KAZN: variants seen among roughly 807,000 people sequenced by gnomAD.
The protein encoded by KAZN is kazrin, periplakin interacting protein.
KAZN carries 40 observed loss-of-function variants against 87.4 expected under a neutral mutation model. The observed-to-expected ratio is 0.46, with a 90% CI of 0.36 to 0.60. The LOEUF (loss-of-function observed/expected upper bound fraction) is 0.60. Ranked by LOEUF, KAZN falls within the 20% of genes least tolerant of loss-of-function variation. The probability of loss-of-function intolerance (pLI) is 0.00; values close to 1 mark genes in which losing one functional copy is unlikely to be tolerated. For synonymous variants in KAZN, 466 were observed against 458.3 expected (o/e 1.02, Z -0.22); for missense variants, 898 against 1,073.9 (o/e 0.84, Z 2.29).
chr1:14,050,262 A>G (rs776413603), intron 1 of KAZN, among the ~76,000 whole-genome samples: 9 of 152,198 alleles, frequency 5.9e-5, no homozygotes, highest in Non-Finnish European at 1.0e-4. Context: ...ATGCCTGTGC[A>G]CATGTGTTTG....
At chr1:14,543,029 C>T (rs1490174399) in intron 2 of KAZN, among the ~76,000 whole-genome samples, 5 of 152,142 alleles carry the variant, frequency 3.3e-5, no homozygotes, top group Admixed American at 2.6e-4. Context: ...GGTGTTTTCA[C>T]ATGTTATTGG....
Position 14,897,212 on chromosome 1 carries a change from C to T in KAZN, c.227-63472C>T, listed in dbSNP as rs137943376. On this transcript the variant is annotated intron_variant, in intron 1 of 14. Coordinates refer to ENST00000376030, the MANE Select transcript of KAZN (RefSeq NM_201628.3). ...GGGAAGGAGTTGCATAAGCCAGAGT[C>T]CCAGGAAGAACTTCTCCAGCAGCTC... 4.7e-3 allele frequency among the ~76,000 whole-genome samples: 722 copies of T among 152,264 alleles called. 11 individuals carry two copies. The highest frequency in any genetic ancestry group is 6.1e-3 in the Non-Finnish European group (414 of 68,020).
intron 1 of KAZN, among the ~76,000 whole-genome samples, chr1:14,648,451 GT>G (rs199744581): frequency 2.6e-5 from 4 of 151,530 alleles, no homozygotes; most frequent in East Asian, 3.9e-4. Flanking sequence ...AACCACAAGT[GT>G]TTTTTTTTAA....
At chr1:15,039,859 C>T (rs546650655) in intron 3 of KAZN, among the ~76,000 whole-genome samples, 5 of 152,314 alleles carry the variant, frequency 3.3e-5, no homozygotes, top group African/African-American at 1.2e-4. Flanking sequence ...CTGCCGGGGG[C>T]AGCTCCCTGT....
At chr1:15,020,445 C>T (rs1030115244) in intron 2 of KAZN, among the ~76,000 whole-genome samples, 5 of 152,196 alleles carry the variant, frequency 3.3e-5, no homozygotes, top group Admixed American at 3.3e-4. Context: ...TATCCCCCTC[C>T]GAAGGTAGCC....
intron 1 of KAZN, among the ~76,000 whole-genome samples, chr1:13,997,347 A>C (rs1211695342): frequency 6.6e-6 from 1 of 152,142 alleles, no homozygotes; most frequent in Non-Finnish European, 1.5e-5. Flanking sequence ...CTCTCCAGCA[A>C]GGGTGCAGAA....
At chr1:14,077,924 G>T (rs1046071404) in intron 1 of KAZN, among the ~76,000 whole-genome samples, 1 of 152,152 alleles carries the variant, frequency 6.6e-6, no homozygotes, top group African/African-American at 2.4e-5. Context: ...CGCCTGCCAC[G>T]GAGAGAAAGG....
chr1:14,727,476 T>C (rs1318277961), intron 1 of KAZN, among the ~76,000 whole-genome samples: 30 of 89,228 alleles, frequency 3.4e-4, no homozygotes, highest in Middle Eastern at 5.0e-3. Flanking sequence ...TTTTTTTTTT[T>C]TTTTTTTTTT....
chr1:14,163,647 G>A (rs1342074353), intron 1 of KAZN, among the ~76,000 whole-genome samples: 2 of 152,150 alleles, frequency 1.3e-5, no homozygotes, highest in Non-Finnish European at 2.9e-5. Context: ...GTTCCCTAGT[G>A]CCAGCTGTGA....
chr1:14,102,808 C>T (rs1004293273), intron 1 of KAZN, among the ~76,000 whole-genome samples: 19 of 152,216 alleles, frequency 1.2e-4, no homozygotes, highest in African/African-American at 3.4e-4. Context: ...GGAGGCCAGG[C>T]GTCTGAGATC....
intron 1 of KAZN, among the ~76,000 whole-genome samples, chr1:14,917,350 C>G (rs1657922064): frequency 6.6e-6 from 1 of 152,202 alleles, no homozygotes; most frequent in Non-Finnish European, 1.5e-5. Context: ...CTGCTGGTGG[C>G]CTCAGCAACA....
At chr1:14,568,501 A>T (rs984313996) in intron 2 of KAZN, among the ~76,000 whole-genome samples, 1 of 152,208 alleles carries the variant, frequency 6.6e-6, no homozygotes, top group South Asian at 2.1e-4. Context: ...GACAGGCAAG[A>T]GAGAACATGT....
At chr1:14,174,163 C>T (rs1016894907) in intron 1 of KAZN, among the ~76,000 whole-genome samples, 1 of 152,090 alleles carries the variant, frequency 6.6e-6, no homozygotes, top group Non-Finnish European at 1.5e-5. Flanking sequence ...ATAGGGAGGT[C>T]ACAGGATTTG....
intron 2 of KAZN, among the ~76,000 whole-genome samples, chr1:14,187,295 C>G (rs932124467): frequency 6.6e-6 from 1 of 152,002 alleles, no homozygotes; most frequent in Non-Finnish European, 1.5e-5. Flanking sequence ...ATATAGAATA[C>G]CTCACATAAC....
At chr1:14,410,842 AT>A (rs1369652144) in intron 2 of KAZN, among the ~76,000 whole-genome samples, 1 of 152,192 alleles carries the variant, frequency 6.6e-6, no homozygotes, top group African/African-American at 2.4e-5. Flanking sequence ...CCAGGCATGG[AT>A]TCTCCTCCAG....
intron 2 of KAZN, among the ~76,000 whole-genome samples, chr1:14,229,870 C>G (rs770385533): frequency 2.6e-5 from 4 of 152,270 alleles, no homozygotes; most frequent in Non-Finnish European, 4.4e-5. Flanking sequence ...AGCCCTGTGG[C>G]TCATTTGGTC....
chr1:14,254,798 T>G (rs1650356872), intron 2 of KAZN, among the ~76,000 whole-genome samples: 1 of 151,814 alleles, frequency 6.6e-6, no homozygotes, highest in Admixed American at 6.6e-5. Flanking sequence ...GCGGGAAGCC[T>G]CAGGAAGCTT....
At chr1:14,105,516 G>T (rs567136379) in intron 1 of KAZN, among the ~76,000 whole-genome samples, 1 of 152,244 alleles carries the variant, frequency 6.6e-6, no homozygotes, top group East Asian at 1.9e-4. Flanking sequence ...TCTGGGTTCT[G>T]CCCACATCTT....
chr1:13,968,603 T>G (rs1642027117), intron 1 of KAZN, among the ~76,000 whole-genome samples: 2 of 152,238 alleles, frequency 1.3e-5, no homozygotes, highest in South Asian at 4.1e-4. Flanking sequence ...GTCCCTACTG[T>G]GGAGGCTAAC....
Sources: gnomAD v4.1 joint callset for allele counts (sites outside exome capture counted in the v4.1 genomes callset) on GRCh38, gnomAD v4.1.1 for gene constraint, MANE v1.5 for transcripts, NCBI Gene and HGNC (gene_info 2026-07-23, HGNC 2026-07-21) for gene names.